FGF14: variants seen among roughly 807,000 people sequenced by gnomAD.
FGF14 encodes fibroblast growth factor 14, also known as fibroblast growth factor homologous factor 4.
In FGF14, 5 loss-of-function variants were observed where a neutral mutation model predicts 25.5. The ratio of observed to expected loss-of-function variants is 0.20; its 90% CI spans 0.10 to 0.41. FGF14 has a LOEUF of 0.41. Ranked by LOEUF, FGF14 falls within the 10% of genes least tolerant of loss-of-function variation. The probability of loss-of-function intolerance (pLI) is 1.00; values close to 1 mark genes in which losing one functional copy is unlikely to be tolerated. For synonymous variants in FGF14, 138 were observed against 118.3 expected, an observed-to-expected ratio of 1.17 and a Z score of -1.08; for missense variants, 222 against 320.1, an observed-to-expected ratio of 0.69 and a Z score of 2.34.
chr13:102,125,477 T>G (rs922949896), intron 1 of FGF14, among the ~76,000 whole-genome samples: 1 of 152,130 alleles, frequency 6.6e-6, no homozygotes, highest in Admixed American at 6.6e-5. Context: ...TCACCTACTG[T>G]TGTATAAAAA....
chr13:101,993,959 A>C (rs1187588694), intron 1 of FGF14, among the ~76,000 whole-genome samples: 1 of 152,012 alleles, frequency 6.6e-6, no homozygotes, highest in African/African-American at 2.4e-5. Flanking sequence ...ATTTTGAAAA[A>C]TGGGGAAAAT....
At chr13:102,050,100 A>C (rs1298889246) in intron 1 of FGF14, among the ~76,000 whole-genome samples, 1 of 152,192 alleles carries the variant, frequency 6.6e-6, no homozygotes, top group East Asian at 1.9e-4. Context: ...AAAAGCTATA[A>C]AAATATATGG....
At chr13:102,252,428 G>A (rs897750679) in intron 1 of FGF14, among the ~76,000 whole-genome samples, 1 of 152,094 alleles carries the variant, frequency 6.6e-6, no homozygotes, top group Non-Finnish European at 1.5e-5. Context: ...AAATATAGCC[G>A]TACCTTGGTA....
chr13:101,910,802 G>C (rs1354480178), intron 1 of FGF14, among the ~76,000 whole-genome samples: 2 of 149,026 alleles, frequency 1.3e-5, no homozygotes, highest in Non-Finnish European at 3.0e-5. Flanking sequence ...AAATTGCATT[G>C]ACGTCTCTGA....
chr13:101,815,347 C>A (rs1347640276), intron 3 of FGF14, among the ~76,000 whole-genome samples: 1 of 152,024 alleles, frequency 6.6e-6, no homozygotes, highest in Non-Finnish European at 1.5e-5. Context: ...TCAGAGTGGT[C>A]AAGTATTGGG....
chr13:102,268,457 T>G (rs2053096350), intron 1 of FGF14, among the ~76,000 whole-genome samples: 1 of 152,116 alleles, frequency 6.6e-6, no homozygotes, highest in African/African-American at 2.4e-5. Flanking sequence ...ATGTAGACAT[T>G]ATATAAAAGT....
intron 1 of FGF14, among the ~76,000 whole-genome samples, chr13:102,169,043 CCT>C (rs2048135354): frequency 6.6e-6 from 1 of 151,740 alleles, no homozygotes. Flanking sequence ...ACTCTTCCAT[CCT>C]CTGAGACTAG....
intron 3 of FGF14, among the ~76,000 whole-genome samples, chr13:101,844,516 A>G (rs2043349184): frequency 6.6e-6 from 1 of 152,020 alleles, no homozygotes; most frequent in Non-Finnish European, 1.5e-5. Flanking sequence ...TCTATTTTAC[A>G]GCTCTCTTAC....
At chr13:102,026,203 A>C (rs1465102023) in intron 1 of FGF14, among the ~76,000 whole-genome samples, 1 of 151,998 alleles carries the variant, frequency 6.6e-6, no homozygotes, top group East Asian at 1.9e-4. Flanking sequence ...TGAGCATGCT[A>C]TATTTTGTTC....
intron 1 of FGF14, among the ~76,000 whole-genome samples, chr13:102,028,444 T>C (rs1207155213): frequency 6.6e-6 from 1 of 152,072 alleles, no homozygotes; most frequent in African/African-American, 2.4e-5. Context: ...TGCTGGCATC[T>C]TGACATCGAA....
intron 1 of FGF14, among the ~76,000 whole-genome samples, chr13:102,036,343 C>T (rs1595068873): frequency 6.6e-6 from 1 of 152,238 alleles, no homozygotes; most frequent in Middle Eastern, 3.4e-3. Context: ...CTACAATGTG[C>T]TAAGCAGGAT....
At chr13:102,056,898 T>A (rs2042455634) in intron 1 of FGF14, among the ~76,000 whole-genome samples, 1 of 150,978 alleles carries the variant, frequency 6.6e-6, no homozygotes, top group South Asian at 2.1e-4. Flanking sequence ...TAGGTAATTT[T>A]GAATTTTAGA....
At chr13:102,110,247 T>C (rs898839380) in intron 1 of FGF14, among the ~76,000 whole-genome samples, 1 of 152,218 alleles carries the variant, frequency 6.6e-6, no homozygotes, top group Non-Finnish European at 1.5e-5. Context: ...TAGAAAGCAG[T>C]GTTTTTTTCC....
chr13:101,921,205 T>C (rs2033980594), upstream of FGF14, among the ~76,000 whole-genome samples: 2 of 152,180 alleles, frequency 1.3e-5, no homozygotes, highest in Admixed American at 1.3e-4. Flanking sequence ...ATAGATATCT[T>C]CTCTGGGAAA....
intron 1 of FGF14, among the ~76,000 whole-genome samples, chr13:102,306,030 A>G (rs765479571): frequency 3.9e-5 from 6 of 152,186 alleles, no homozygotes; most frequent in Non-Finnish European, 4.4e-5. Context: ...TCATCCCCTA[A>G]TGAGGAATAT....
intron 1 of FGF14, among the ~76,000 whole-genome samples, chr13:102,153,085 A>G (rs1202495564): frequency 6.6e-6 from 1 of 152,140 alleles, no homozygotes; most frequent in African/African-American, 2.4e-5. Context: ...TCGCCTATAG[A>G]GTGAAGCGAT....
chr13:101,717,366 T>A lies in FGF14; in HGVS notation c.*5465A>T, dbSNP rs2034765386. 6.6e-6 allele frequency: 1 copy of A among 152,168 alleles called. No homozygotes were observed. Among genetic ancestry groups the A allele is most frequent in the Non-Finnish European group, 1.5e-5 (1 of 68,026 alleles). 9.4% of individuals were successfully genotyped at this position (152,168 alleles called of 1,614,324 possible). On this transcript the variant is annotated 3_prime_UTR_variant, in exon 5 of 5. Transcript: ENST00000376143. ...ACCATGTTGTAGTTCTATTATTGAG[T>A]ACGTAAATTGATAGATCTCTTCCGT...
chr13:102,277,833 TG>T (rs2141195821), intron 1 of FGF14, among the ~76,000 whole-genome samples: 1 of 152,362 alleles, frequency 6.6e-6, no homozygotes, highest in African/African-American at 2.4e-5. Flanking sequence ...AGCCTACTTT[TG>T]TAACTGACCT....
At chr13:101,965,973 C>T (rs544287927) in intron 1 of FGF14, among the ~76,000 whole-genome samples, 82 of 152,124 alleles carry the variant, frequency 5.4e-4, no homozygotes, top group South Asian at 4.8e-3. Flanking sequence ...CACACATCAC[C>T]GTCACCAGAA....
Sources: allele counts gnomAD v4.1 joint callset (sites outside exome capture counted in the v4.1 genomes callset), GRCh38; gene constraint gnomAD v4.1.1; transcripts MANE v1.5; gene names NCBI Gene and HGNC (gene_info 2026-07-23, HGNC 2026-07-21).